FRMD3: variants seen among roughly 807,000 people sequenced by gnomAD.
The protein encoded by FRMD3 is FERM domain-containing protein 3.
FRMD3 carries 33 observed loss-of-function variants against 70.2 expected under a neutral mutation model. The ratio of observed to expected loss-of-function variants is 0.47; its 90% confidence interval spans 0.36 to 0.63. The LOEUF (loss-of-function observed/expected upper bound fraction) is 0.63. FRMD3 is among the 20% of genes least tolerant of loss of function. The pLI, the probability that FRMD3 is intolerant of heterozygous loss-of-function variation, is 0.00. For missense variants in FRMD3, 632 were observed against 711.4 expected (o/e 0.89, Z 1.27); for synonymous variants, 279 against 255.9 (o/e 1.09, Z -0.86).
chr9:83,348,879 A>G (rs573463748), intron 4 of FRMD3, among the ~76,000 whole-genome samples: 7 of 152,302 alleles, frequency 4.6e-5, no homozygotes, highest in African/African-American at 1.7e-4. Context: ...GATAATAACA[A>G]GGAAGCAAAA....
intron 1 of FRMD3, among the ~76,000 whole-genome samples, chr9:83,480,193 C>T (rs1828533963): frequency 6.6e-6 from 1 of 152,062 alleles, no homozygotes; most frequent in South Asian, 2.1e-4. Flanking sequence ...ATCATGATGC[C>T]CATAAATAGG....
the FRMD3 span, among the ~76,000 whole-genome samples, chr9:83,554,448 A>T: frequency 6.6e-6 from 1 of 152,116 alleles, no homozygotes; most frequent in African/African-American, 2.4e-5. Flanking sequence ...ACTCCTGGGG[A>T]TCCACCCCAG....
the FRMD3 span, among the ~76,000 whole-genome samples, chr9:83,559,572 C>G: frequency 1.3e-5 from 2 of 152,080 alleles, no homozygotes; most frequent in African/African-American, 4.8e-5. Context: ...TTAAGTTGAC[C>G]CATATGTAAT....
At chr9:83,570,892 T>C in the FRMD3 span, among the ~76,000 whole-genome samples, 44 of 152,178 alleles carry the variant, frequency 2.9e-4, no homozygotes, top group Admixed American at 2.7e-3. Context: ...GTGACTGGGT[T>C]CGGAGTATAT....
chr9:83,347,333 C>G lies in FRMD3; in HGVS notation c.374+2346G>C, dbSNP rs530857511. Among the ~76,000 whole-genome samples the G allele has an allele frequency of 2.6e-5, 4 of 152,280 alleles. No individual in the cohort carries two copies. In the East Asian group the frequency reaches 7.7e-4, roughly 29 times the overall value. On this transcript the variant is annotated intron_variant, in intron 4 of 13. Coordinates refer to ENST00000304195, the MANE Select transcript of FRMD3 (RefSeq NM_174938.6). ...TAATAGCTACCAAAAAATAATGCAT[C>G]TCCCTTTAGTGTCATTCCTGCATAA...
At chr9:83,337,645 G>T (rs1341767631) in intron 5 of FRMD3, among the ~76,000 whole-genome samples, 1 of 152,182 alleles carries the variant, frequency 6.6e-6, no homozygotes, top group Non-Finnish European at 1.5e-5. Context: ...ATATGACTTT[G>T]AAGTAGAAAA....
chr9:83,266,732 CCTCCCT>C (rs1833272532), intron 13 of FRMD3, among the ~76,000 whole-genome samples: 1 of 152,144 alleles, frequency 6.6e-6, no homozygotes, highest in South Asian at 2.1e-4. Flanking sequence ...ACCACCACTG[CCTCCCT>C]CTCCCTCCTG....
chr9:83,507,093 G>A (rs974898256), intron 1 of FRMD3, among the ~76,000 whole-genome samples: 1 of 152,148 alleles, frequency 6.6e-6, no homozygotes, highest in Non-Finnish European at 1.5e-5. Flanking sequence ...AGGTGCAGTG[G>A]CTCACACCTG....
chr9:83,570,539 A>G, the FRMD3 span, among the ~76,000 whole-genome samples: 1 of 152,202 alleles, frequency 6.6e-6, no homozygotes, highest in African/African-American at 2.4e-5. Context: ...ATATGCTTGG[A>G]TTGTTGAAGA....
At chr9:83,550,687 A>AGCGTGT in the FRMD3 span, among the ~76,000 whole-genome samples, 1 of 138,868 alleles carries the variant, frequency 7.2e-6, no homozygotes, top group Non-Finnish European at 1.6e-5. Flanking sequence ...AGTCCTAGGT[A>AGCGTGT]GTGTGTGTGT....
chr9:83,354,444 G>A (rs948388705), intron 3 of FRMD3, among the ~76,000 whole-genome samples: 9 of 152,132 alleles, frequency 5.9e-5, no homozygotes, highest in East Asian at 3.9e-4. Context: ...AAGTGGGAGC[G>A]AAACATTGGG....
chr9:83,340,786 G>A (rs1365812780), intron 5 of FRMD3, among the ~76,000 whole-genome samples: 1 of 152,150 alleles, frequency 6.6e-6, no homozygotes, highest in Non-Finnish European at 1.5e-5. Context: ...GTGGAGACAA[G>A]GTCTTGTCTA....
chr9:83,433,338 A>G (rs1182888547), intron 1 of FRMD3, among the ~76,000 whole-genome samples: 1 of 152,242 alleles, frequency 6.6e-6, no homozygotes, highest in Non-Finnish European at 1.5e-5. Context: ...TAACGGAAGC[A>G]GGAGGTTAGG....
intron 1 of FRMD3, among the ~76,000 whole-genome samples, chr9:83,507,103 G>A (rs921751303): frequency 2.6e-5 from 4 of 152,140 alleles, no homozygotes; most frequent in Admixed American, 2.6e-4. Flanking sequence ...GCTCACACCT[G>A]TAATCCCAGC....
intron 6 of FRMD3, among the ~76,000 whole-genome samples, chr9:83,317,425 C>G (rs1231214355): frequency 6.6e-6 from 1 of 152,092 alleles, no homozygotes; most frequent in Non-Finnish European, 1.5e-5. Flanking sequence ...CAGCTTTGCT[C>G]GGGGTGATCC....
chr9:83,333,630 G>A (rs113868319), intron 6 of FRMD3, among the ~76,000 whole-genome samples: 21 of 152,110 alleles, frequency 1.4e-4, no homozygotes, highest in Admixed American at 8.5e-4. Context: ...GGTCCTTCCC[G>A]TTTCTTGTCT....
chr9:83,403,205 G>T (rs78086982), intron 1 of FRMD3, among the ~76,000 whole-genome samples: 2 of 152,022 alleles, frequency 1.3e-5, no homozygotes, highest in East Asian at 3.9e-4. Flanking sequence ...CGCTCAGCAA[G>T]ACTCTCAATT....
chr9:83,434,882 A>C (rs746858249), intron 1 of FRMD3, among the ~76,000 whole-genome samples: 36 of 124,022 alleles, frequency 2.9e-4, no homozygotes, highest in Non-Finnish European at 5.0e-4. Context: ...GCTGGAGTGC[A>C]GTGGCACGAT....
intron 1 of FRMD3, among the ~76,000 whole-genome samples, chr9:83,415,662 G>C (rs2131347368): frequency 7.5e-6 from 1 of 133,668 alleles, no homozygotes; most frequent in African/African-American, 2.9e-5. Context: ...GAGTTTCACT[G>C]TGTTAGCCAG....
Sources: allele counts gnomAD v4.1 joint callset (sites outside exome capture counted in the v4.1 genomes callset), GRCh38; gene constraint gnomAD v4.1.1; transcripts MANE v1.5; gene names NCBI Gene and HGNC (gene_info 2026-07-23, HGNC 2026-07-21).